TRIM37: variants seen among roughly 807,000 people sequenced by gnomAD.
TRIM37 encodes the protein E3 ubiquitin-protein ligase TRIM37.
Under a neutral mutation model 129.8 loss-of-function variants are expected in TRIM37, and 80 were observed. The ratio of observed to expected loss-of-function variants is 0.62; its 90% CI spans 0.51 to 0.74. TRIM37 has a LOEUF of 0.74. TRIM37 is among the 30% of genes least tolerant of loss of function. The pLI is 0.00. For missense variants in TRIM37, 1,054 were observed against 1,176.5 expected, an observed-to-expected ratio of 0.90 and a Z score of 1.52; for synonymous variants, 389 against 387.1, an observed-to-expected ratio of 1.00 and a Z score of -0.06.
rs563186246 is a variant in TRIM37 at position 59,027,671 on chromosome 17, C to T, written c.2257+744G>A. Among the ~76,000 whole-genome samples, 5 of 152,336 alleles carry T rather than the reference C, an allele frequency of 3.3e-5. No homozygotes were observed. The South Asian group carries it at 8.3e-4, about 25-fold the overall frequency. On this transcript the variant is annotated intron_variant, in intron 19 of 23. Transcript: ENST00000262294. ...TTCTCCACACAACAAGCAAAGTCAT[C>T]TTTGTAAAGTGTAAATCAGATTATA... is the stretch of plus-strand genomic sequence containing the variant.
the TRIM37 span, among the ~76,000 whole-genome samples, chr17:58,969,889 C>T: frequency 6.6e-6 from 1 of 152,182 alleles, no homozygotes; most frequent in Non-Finnish European, 1.5e-5. Flanking sequence ...CCAATTCCCT[C>T]CTCAGGAAGA....
chr17:59,070,031 A>G (rs2042238224), intron 9 of TRIM37, among the ~76,000 whole-genome samples: 1 of 152,232 alleles, frequency 6.6e-6, no homozygotes, highest in African/African-American at 2.4e-5. Flanking sequence ...ATTTTGTTAT[A>G]GCAGCCCAAG....
intron 10 of TRIM37, among the ~76,000 whole-genome samples, chr17:59,063,347 T>C (rs1053357323): frequency 6.6e-6 from 1 of 152,016 alleles, no homozygotes; most frequent in Non-Finnish European, 1.5e-5. Flanking sequence ...GCCCAGCTAA[T>C]TTTTGTATTT....
At chr17:58,995,551 A>T (rs1480173676), downstream of TRIM37, among the ~76,000 whole-genome samples, 5 of 152,230 alleles carry the variant, frequency 3.3e-5, no homozygotes, top group Non-Finnish European at 5.9e-5. Context: ...TCCATCATAT[A>T]TAGATATATA....
intron 22 of TRIM37, among the ~76,000 whole-genome samples, chr17:59,010,321 C>T (rs2035092748): frequency 6.6e-6 from 1 of 152,102 alleles, no homozygotes; most frequent in South Asian, 2.1e-4. Flanking sequence ...AAACATTCCA[C>T]AGTGCAGAGA....
chr17:59,045,908 C>T (rs764155553), intron 16 of TRIM37, among the ~76,000 whole-genome samples: 1 of 150,876 alleles, frequency 6.6e-6, no homozygotes, highest in Admixed American at 6.6e-5. Context: ...CCTTGCTACT[C>T]GGGAGGCTGA....
chr17:59,036,443 T>TGGGGGG (rs552802145), intron 17 of TRIM37, among the ~76,000 whole-genome samples: 1 of 126,886 alleles, frequency 7.9e-6, no homozygotes, highest in African/African-American at 2.9e-5. Context: ...TTGTATTTGC[T>TGGGGGG]GGGGGTGTGT....
At chr17:59,091,858 T>C (rs2044418657) in intron 2 of TRIM37, among the ~76,000 whole-genome samples, 1 of 151,364 alleles carries the variant, frequency 6.6e-6, no homozygotes, top group African/African-American at 2.4e-5. Context: ...GACTAACTGA[T>C]TCTCACAGGG....
At chr17:59,088,511 A>T in intron 3 of TRIM37, 104 bp from the exon 4 acceptor site, 1 of 781,228 alleles carries the variant, frequency 1.3e-6, no homozygotes. Flanking sequence ...CTCATACCAT[A>T]ACACTATTTT....
intron 4 of TRIM37, among the ~76,000 whole-genome samples, chr17:59,087,637 CAGAT>C (rs1181297523): frequency 2.6e-5 from 4 of 151,944 alleles, no homozygotes; most frequent in Non-Finnish European, 4.4e-5. Context: ...AATGAAGAAA[CAGAT>C]AAATTTTTTT....
At chr17:59,081,964 A>AAAAAAAAATAATAAT (rs1568200247) in intron 5 of TRIM37, among the ~76,000 whole-genome samples, 1 of 87,228 alleles carries the variant, frequency 1.1e-5, no homozygotes, top group Non-Finnish European at 2.2e-5. Flanking sequence ...AAAAAAAAAA[A>AAAAAAAAATAATAAT]AATAATAATA....
At chr17:59,106,414 T>TA (rs1401416482) in intron 1 of TRIM37, 27 bp downstream of exon 1, 1 of 1,613,764 alleles carries the variant, frequency 6.2e-7, no homozygotes. Context: ...GGGCGGGGAC[T>TA]AACCACCACC....
At chr17:59,011,084 G>A (rs938899476) in intron 22 of TRIM37, among the ~76,000 whole-genome samples, 1 of 151,814 alleles carries the variant, frequency 6.6e-6, no homozygotes, top group South Asian at 2.1e-4. Context: ...CAGGAGAATC[G>A]CTTGAACCCG....
rs749441889 is a variant in TRIM37 at position 59,012,215 on chromosome 17, C to CCAGCAGCAGCAGCAG, written c.2695+112_2695+113insCTGCTGCTGCTGCTG. On this transcript the variant is annotated intron_variant, in intron 22 of 23. Transcript: ENST00000262294. ...CCACTCCCTATCCCTATCACTACCA[C>CCAGCAGCAGCAGCAG]CAGCAGCAGCAGCACCACCACCACC... 0.032 allele frequency: 16,798 copies of CCAGCAGCAGCAGCAG among 517,048 alleles called. 234 individuals are homozygous for CCAGCAGCAGCAGCAG. Among genetic ancestry groups the CCAGCAGCAGCAGCAG allele is most frequent in the East Asian group, 0.073 (1,728 of 23,630 alleles). The allele number at this position is 517,048 out of a possible 1,614,324, so 32.0% of individuals were successfully genotyped here. A position where few individuals can be genotyped will look rare whatever the true frequency, so the allele number is the denominator to read the frequency against.
At chr17:59,062,497 A>G in intron 11 of TRIM37, 70 bp downstream of exon 11, 1 of 1,257,406 alleles carries the variant, frequency 8.0e-7, no homozygotes. Flanking sequence ...CAGTAATCAA[A>G]TTAGTATACT....
intron 16 of TRIM37, 117 bp downstream of exon 16, chr17:59,047,566 T>C: frequency 9.6e-7 from 1 of 1,037,300 alleles, no homozygotes; most frequent in South Asian, 1.4e-5. Flanking sequence ...GAAAACTGAC[T>C]ATTGATTCAA....
chr17:59,096,861 G>A (rs1212241565), intron 2 of TRIM37, among the ~76,000 whole-genome samples: 2 of 152,096 alleles, frequency 1.3e-5, no homozygotes, highest in African/African-American at 4.8e-5. Context: ...TAGAGAAATT[G>A]TGCTAGGGAA....
chr17:58,989,821 G>A (rs957454818), intron 24 of TRIM37, among the ~76,000 whole-genome samples: 1 of 152,102 alleles, frequency 6.6e-6, no homozygotes, highest in Non-Finnish European at 1.5e-5. Context: ...AGAAATATTC[G>A]AAGAGATAAT....
At chr17:59,027,401 A>C (rs2037361101) in intron 19 of TRIM37, among the ~76,000 whole-genome samples, 1 of 152,190 alleles carries the variant, frequency 6.6e-6, no homozygotes, top group Admixed American at 6.5e-5. Context: ...TATGGTTCTG[A>C]GAAAGAACTC....
Sources: gnomAD v4.1 joint callset for allele counts (sites outside exome capture counted in the v4.1 genomes callset) on GRCh38, gnomAD v4.1.1 for gene constraint, MANE v1.5 for transcripts, NCBI Gene and HGNC (gene_info 2026-07-23, HGNC 2026-07-21) for gene names.